The following CHD6 variants were observed in gnomAD, a reference collection of about 807,000 sequenced individuals.
The protein encoded by CHD6 is chromodomain helicase DNA binding protein 6, also known as ATP-dependent chromatin remodeler CHD6.
CHD6 carries 50 observed loss-of-function variants against 276.9 expected under a neutral mutation model. That is an observed-to-expected ratio of 0.18 (90% CI 0.14 to 0.23). The LOEUF (loss-of-function observed/expected upper bound fraction) is 0.23, where lower values mean the gene tolerates loss of function less well. CHD6 is among the 10% of genes least tolerant of loss of function. CHD6 has a pLI of 1.00. For missense variants in CHD6, 2,564 were observed against 3,365.8 expected, an observed-to-expected ratio of 0.76 and a Z score of 5.89; for synonymous variants, 1,173 against 1,229.3, an observed-to-expected ratio of 0.95 and a Z score of 0.96.
chr20:41,555,771 G>C (rs1371187587), intron 1 of CHD6, among the ~76,000 whole-genome samples: 3 of 151,800 alleles, frequency 2.0e-5, no homozygotes, highest in African/African-American at 7.3e-5. Context: ...TTCCAGACTG[G>C]GCAGCCAGGC....
intron 17 of CHD6, among the ~76,000 whole-genome samples, chr20:41,469,276 GGAA>G (rs2043000452): frequency 6.6e-6 from 1 of 152,162 alleles, no homozygotes; most frequent in Admixed American, 6.5e-5. Flanking sequence ...CTTAGCAGCA[GGAA>G]GGACGCAGAA....
intron 2 of CHD6, among the ~76,000 whole-genome samples, chr20:41,545,613 T>C (rs2045025074): frequency 6.6e-6 from 1 of 152,198 alleles, no homozygotes; most frequent in Non-Finnish European, 1.5e-5. Flanking sequence ...TATTCTAAAT[T>C]ATGGATCATG....
In CHD6 at chr20:41,616,266, T is replaced by C. The variant is rs1311311880; in HGVS notation, c.-24+2074A>G. Among the ~76,000 whole-genome samples the C allele has an allele frequency of 2.6e-5, 4 of 152,160 alleles. No homozygotes were observed. In the East Asian group the frequency reaches 7.7e-4, roughly 29 times the overall value. ...ATAAAAATTATAAAGATATAGAATA[T>C]TTAAAAGTTGTAAAAATGATCATAT... is the stretch of plus-strand genomic sequence containing the variant. On this transcript the variant is annotated intron_variant, in intron 1 of 36. Transcript: ENST00000373233.
At position 41,420,543 on chromosome 20, in the gene CHD6, T is replaced by C; in HGVS notation, c.6092A>G (p.Asp2031Gly). ...KSEDMDFENK[D>G]DYDRDGNCHS... ...GCAGTTTCCGTCTCTATCATAATCA[T>C]CTTTATTCTCAAAATCCATGTCTTC... The change falls in exon 31 of 37, where the codon GAT becomes GGT. Residue 2031 changes from aspartate (D) to glycine (G), a missense_variant. By Grantham distance (94) the Asp-to-Gly change is moderately conservative (BLOSUM62 -1). Transcript: ENST00000373233. 5 of 1,613,538 alleles carry C rather than the reference T, an allele frequency of 3.1e-6. No individual in the cohort carries two copies. The highest frequency in any genetic ancestry group is 3.4e-6 in the Non-Finnish European group (4 of 1,179,952).
Position 41,510,322 on chromosome 20 carries a change from GT to G in CHD6, c.852+2523del, listed in dbSNP as rs550813767. ...TGTAAAAACAGTTTTAAGTGGAGCT[GT>G]TTTGGTTCTGCAGCAACGAGGACTC... On this transcript the variant is annotated intron_variant, in intron 5 of 36. Transcript: ENST00000373233. 2.9e-3 allele frequency among the ~76,000 whole-genome samples: 438 copies of G among 152,298 alleles called. 2 individuals are homozygous for G. Among genetic ancestry groups the G allele is most frequent in the African/African-American group, 9.7e-3 (405 of 41,572 alleles).
intron 8 of CHD6, among the ~76,000 whole-genome samples, chr20:41,496,186 A>T (rs1033808671): frequency 3.3e-5 from 5 of 152,250 alleles, no homozygotes; most frequent in Non-Finnish European, 7.3e-5. Flanking sequence ...CTTGACACGC[A>T]GTAAATGTGT....
At chr20:41,424,254 C>T (rs1423484835) in intron 29 of CHD6, among the ~76,000 whole-genome samples, 2 of 152,142 alleles carry the variant, frequency 1.3e-5, no homozygotes, top group Non-Finnish European at 2.9e-5. Context: ...GGTAGGTTGT[C>T]CATGACAATT....
intron 1 of CHD6, among the ~76,000 whole-genome samples, chr20:41,555,185 G>A (rs2045208785): frequency 7.4e-6 from 1 of 135,708 alleles, no homozygotes; most frequent in Non-Finnish European, 1.6e-5. Context: ...GGGGCGGCCG[G>A]GCAGAGGCGC....
chr20:41,498,837 G>A (rs2043759117), intron 6 of CHD6, among the ~76,000 whole-genome samples: 1 of 132,336 alleles, frequency 7.6e-6, no homozygotes, highest in African/African-American at 3.0e-5. Context: ...GTGTGTGTGT[G>A]TGTGTGTGTG....
intron 2 of CHD6, among the ~76,000 whole-genome samples, chr20:41,544,401 G>A (rs1448689682): frequency 2.0e-5 from 3 of 152,212 alleles, no homozygotes; most frequent in African/African-American, 2.4e-5. Context: ...GGTCAAGACA[G>A]GAGACGAGGC....
intron 3 of CHD6, among the ~76,000 whole-genome samples, chr20:41,525,699 T>C (rs2044515085): frequency 6.6e-6 from 1 of 152,232 alleles, no homozygotes; most frequent in African/African-American, 2.4e-5. Context: ...TAAATGTCTT[T>C]TGGTCTTTTT....
intron 3 of CHD6, among the ~76,000 whole-genome samples, 189 bp downstream of exon 3, chr20:41,532,861 C>T (rs548070679): frequency 1.3e-5 from 2 of 152,250 alleles, no homozygotes; most frequent in Non-Finnish European, 2.9e-5. Flanking sequence ...AAAACAGCAA[C>T]CTCCAAGGAC....
chr20:41,523,337 G>A (rs1489231216), intron 3 of CHD6, among the ~76,000 whole-genome samples: 1 of 152,068 alleles, frequency 6.6e-6, no homozygotes, highest in Non-Finnish European at 1.5e-5. Context: ...TTTATTAATA[G>A]CTTTCAGAGT....
In CHD6 at chr20:41,421,007, TTCC is replaced by T. The variant is rs780662944; in HGVS notation, c.5625_5627del (p.Glu1876del). The T allele has an allele frequency of 6.8e-6, 11 of 1,613,474 alleles. No individual in the cohort carries two copies. The highest frequency in any genetic ancestry group is 9.3e-6 in the Non-Finnish European group (11 of 1,179,698). On this transcript the variant is annotated inframe_deletion, in exon 31 of 37. Transcript: ENST00000373233. ...CCATGCCTACTGCCATGGCTAAGTT[TTCC>T]TCCTCGTTTTCCTCCTCTTCTTCCT... is the stretch of plus-strand genomic sequence containing the variant.
intron 31 of CHD6, among the ~76,000 whole-genome samples, chr20:41,419,096 T>C (rs1271225410): frequency 6.6e-6 from 1 of 152,186 alleles, no homozygotes; most frequent in Non-Finnish European, 1.5e-5. Context: ...TGGCCTGCCA[T>C]GAGGAGGATC....
chr20:41,437,258 T>C lies in CHD6; in HGVS notation c.4068+16A>G. On this transcript the variant is annotated intron_variant, in intron 27 of 36. Coordinates refer to ENST00000373233, the MANE Select transcript of CHD6 (RefSeq NM_032221.5). ...GAAAGACGGTGTAAATGACCAATAC[T>C]GCACATTTGACTCACCGTTTGTTTC... 6.2e-7 allele frequency: 1 copy of C among 1,600,780 alleles called. No individual in the cohort carries two copies. The highest frequency in any genetic ancestry group is 1.7e-5 in the Admixed American group (1 of 59,962).
chr20:41,609,277 TAAAACA>T (rs1232157795), intron 1 of CHD6, among the ~76,000 whole-genome samples: 1 of 152,018 alleles, frequency 6.6e-6, no homozygotes, highest in Admixed American at 6.5e-5. Flanking sequence ...CCAGTTTCTA[TAAAACA>T]AAAACAAAAA....
chr20:41,442,772 C>G (rs1161386721), intron 25 of CHD6, among the ~76,000 whole-genome samples: 2 of 152,166 alleles, frequency 1.3e-5, no homozygotes, highest in African/African-American at 4.8e-5. Context: ...CATGTCTAAG[C>G]CTAAGCTCAT....
intron 1 of CHD6, among the ~76,000 whole-genome samples, chr20:41,590,846 C>A (rs1418434187): frequency 1.3e-5 from 2 of 151,410 alleles, no homozygotes; most frequent in Admixed American, 6.6e-5. Flanking sequence ...TTGACCCACC[C>A]ATCCCATTAC....
Sources: allele counts gnomAD v4.1 joint callset (sites outside exome capture counted in the v4.1 genomes callset), GRCh38; gene constraint gnomAD v4.1.1; transcripts MANE v1.5; gene names NCBI Gene and HGNC (gene_info 2026-07-23, HGNC 2026-07-21).